The following COQ3 variants were observed in gnomAD, a reference collection of about 807,000 sequenced individuals.
COQ3 encodes ubiquinone biosynthesis O-methyltransferase, mitochondrial.
In COQ3, 29 loss-of-function variants were observed where a neutral mutation model predicts 33.1. The observed-to-expected ratio is 0.88, with a 90% CI of 0.65 to 1.19. The LOEUF is 1.19. Ranked by LOEUF, COQ3 falls within the 50% of genes most tolerant of loss-of-function variation. The probability of loss-of-function intolerance (pLI) is 0.00; values close to 1 mark genes in which losing one functional copy is unlikely to be tolerated. For synonymous variants in COQ3, 173 were observed against 157.8 expected (o/e 1.10, Z -0.72); for missense variants, 437 against 430.7 (o/e 1.01, Z -0.13).
chr6:99,380,120 A>C, intron 3 of COQ3, 69 bp downstream of exon 3: 1 of 1,481,852 alleles, frequency 6.7e-7, no homozygotes, highest in Admixed American at 2.0e-5. Flanking sequence ...AACTAAGAAA[A>C]AAATGAATGT....
At chr6:99,380,083 A>T (rs1774421703) in intron 3 of COQ3, 106 bp downstream of exon 3, 10 of 1,002,030 alleles carry the variant, frequency 1.0e-5, no homozygotes, top group Non-Finnish European at 1.4e-5. Context: ...AGCAAACTTA[A>T]TGTGCAGCAT....
chr6:99,375,919 T>C (rs200169183), intron 5 of COQ3, 21 bp downstream of exon 5: 116 of 1,612,498 alleles, frequency 7.2e-5, no homozygotes, highest in Non-Finnish European at 9.4e-5. Flanking sequence ...GAAACCAAGA[T>C]GTAAACTCCA....
At chr6:99,375,076 TCTC>T (rs1274746090) in intron 5 of COQ3, among the ~76,000 whole-genome samples, 4 of 151,624 alleles carry the variant, frequency 2.6e-5, no homozygotes. Flanking sequence ...TTCAAGCAAT[TCTC>T]CTGCCTCACC....
chr6:99,370,763 A>AAGCATTAG (rs1239486334), intron 6 of COQ3, among the ~76,000 whole-genome samples: 2 of 152,216 alleles, frequency 1.3e-5, no homozygotes, highest in Non-Finnish European at 2.9e-5. Flanking sequence ...ATGAAAAAAA[A>AAGCATTAG]AGCATTAGAA....
intron 2 of COQ3, 97 bp from the exon 3 acceptor site, chr6:99,380,438 A>G (rs1409959903): frequency 3.0e-6 from 4 of 1,317,766 alleles, no homozygotes; most frequent in African/African-American, 3.0e-5. Context: ...TTTACAATTT[A>G]TTATATTCTA....
intron 1 of COQ3, among the ~76,000 whole-genome samples, chr6:99,390,845 C>A (rs1774804760): frequency 6.6e-6 from 1 of 152,102 alleles, no homozygotes; most frequent in African/African-American, 2.4e-5. Context: ...TAAACATGGG[C>A]CCCGTGCCCA....
chr6:99,382,463 T>G (rs930643930), intron 2 of COQ3, among the ~76,000 whole-genome samples: 4 of 152,224 alleles, frequency 2.6e-5, no homozygotes, highest in African/African-American at 9.6e-5. Context: ...CTTTTAAGAT[T>G]CAAGTGTCAT....
chr6:99,388,835 C>T lies in COQ3; in HGVS notation c.107-5011G>A, dbSNP rs138865395. On this transcript the variant is annotated intron_variant, in intron 1 of 6. Coordinates refer to ENST00000254759, the MANE Select transcript of COQ3 (RefSeq NM_017421.4). ...TACACTCCAGTATGGGTGACAAGAG[C>T]GAAACTCCATCTCAAAAACTAAATA... 8.1e-5 allele frequency among the ~76,000 whole-genome samples: 12 copies of T among 148,220 alleles called. No individual in the cohort carries two copies. In the East Asian group the frequency reaches 1.9e-3, roughly 23 times the overall value.
In COQ3 at chr6:99,386,623, T is replaced by C. The variant is rs543279198; in HGVS notation, c.107-2799A>G. 5.3e-5 allele frequency among the ~76,000 whole-genome samples: 8 copies of C among 152,286 alleles called. No homozygotes were observed. The South Asian group carries it at 6.2e-4, about 12-fold the overall frequency. On this transcript the variant is annotated intron_variant, in intron 1 of 6. Transcript: ENST00000254759. The stretch of plus-strand genomic sequence containing the variant: ...AAGAAATAAAGAAAGGATATCACTA[T>C]AGCTCTGATAGACATTAAAAGGTTG...
rs1774279953 is a variant in COQ3, at chr6:99,376,194, A to T, written c.487-12T>A. 6.2e-7 allele frequency: 1 copy of T among 1,609,784 alleles called. No individual in the cohort carries two copies. Among genetic ancestry groups the T allele is most frequent in the Non-Finnish European group, 8.5e-7 (1 of 1,178,264 alleles). ...AGCCGCCCTAGAGGCTAATGGCATT[A>T]AAAAAACTGTTACCCTCAGGAAGAA... On this transcript the variant is annotated splice_polypyrimidine_tract_variant and intron_variant, in intron 4 of 6. Transcript: ENST00000254759.
rs149717575 is a variant in COQ3, at chr6:99,383,734, G to A, written c.197C>T (p.Thr66Met). 1.3e-4 allele frequency: 216 copies of A among 1,603,850 alleles called. No individual in the cohort carries two copies. The highest frequency in any genetic ancestry group is 3.3e-4 in the Middle Eastern group (2 of 6,058). The change falls in exon 2 of 7, where the codon ACG (threonine) becomes ATG (methionine). Residue 66 changes from threonine to methionine, a missense_variant. Coordinates refer to ENST00000254759, the MANE Select transcript of COQ3 (RefSeq NM_017421.4). ...YRTIWFKSYR[T>M]IFSCLNRIKS... ...TATTCTGTTCAAACAGGAAAAGATCGTCCTGTAGGATTTGAACCATATGGT... is the reference window on the plus strand; with the variant it reads ...TATTCTGTTCAAACAGGAAAAGATCATCCTGTAGGATTTGAACCATATGGT...
chr6:99,379,044 T>A (rs183918481), intron 3 of COQ3, among the ~76,000 whole-genome samples: 7 of 151,652 alleles, frequency 4.6e-5, no homozygotes, highest in Non-Finnish European at 1.0e-4. Context: ...CTTTAAGTTT[T>A]AGGGTACATG....
intron 1 of COQ3, among the ~76,000 whole-genome samples, chr6:99,393,167 G>A (rs1774877122): frequency 1.3e-5 from 2 of 151,314 alleles, no homozygotes; most frequent in Non-Finnish European, 2.9e-5. Context: ...GTAACTCCAA[G>A]TTCACTATAC....
At chr6:99,380,402 G>T in intron 2 of COQ3, 61 bp from the exon 3 acceptor site, 9 of 1,500,698 alleles carry the variant, frequency 6.0e-6, no homozygotes, top group Non-Finnish European at 7.4e-6. Context: ...GTTTAACATG[G>T]GATATTATGT....
chr6:99,378,097 A>C (rs1774346310), intron 3 of COQ3, among the ~76,000 whole-genome samples: 1 of 111,258 alleles, frequency 9.0e-6, no homozygotes, highest in African/African-American at 3.4e-5. Context: ...ACAGTATTGT[A>C]AACTAAACAT....
At chr6:99,373,763 G>A (rs919666055) in intron 5 of COQ3, among the ~76,000 whole-genome samples, 3 of 152,082 alleles carry the variant, frequency 2.0e-5, no homozygotes, top group African/African-American at 2.4e-5. Context: ...AGGCTGAAGC[G>A]GCAGGATCCC....
Position 99,388,677 on chromosome 6 carries a change from G to A in COQ3, c.107-4853C>T, listed in dbSNP as rs138348891. 1.7e-4 allele frequency among the ~76,000 whole-genome samples: 26 copies of A among 152,022 alleles called. No homozygotes were observed. In the East Asian group the frequency reaches 3.3e-3, roughly 19 times the overall value. On this transcript the variant is annotated intron_variant, in intron 1 of 6. Coordinates refer to ENST00000254759, the MANE Select transcript of COQ3 (RefSeq NM_017421.4). ...AGTCTGGCCAACATGGTGAAACTCC[G>A]TCTCTACTAAAAATAAAAAAATTAG...
Position 99,371,541 on chromosome 6 carries a change from G to A in COQ3, c.776C>T (p.Ser259Phe). The change falls in exon 6 of 7, where the codon TCC (serine) becomes TTC (phenylalanine). Residue 259 changes from serine to phenylalanine, a missense_variant. Ser to Phe is a radical substitution (Grantham distance 155). Coordinates refer to ENST00000254759, the MANE Select transcript of COQ3 (RefSeq NM_017421.4). ...FITTINKTQL[S>F]YALGIVFSEQ... Reference sequence around the variant, plus strand: ...TGAAAAAACAATTCCCAAGGCATAGGAAAGTTGTGTTTTGTTGATTGTAGT... The same window carrying A: ...TGAAAAAACAATTCCCAAGGCATAGAAAAGTTGTGTTTTGTTGATTGTAGT... 6.2e-7 allele frequency: 1 copy of A among 1,607,032 alleles called. No individual in the cohort carries two copies. The highest frequency in any genetic ancestry group is 8.5e-7 in the Non-Finnish European group (1 of 1,176,636).
At chr6:99,380,041 T>C in intron 3 of COQ3, 148 bp downstream of exon 3, 1 of 665,520 alleles carries the variant, frequency 1.5e-6, no homozygotes, top group Non-Finnish European at 2.5e-6. Context: ...TTTCAAACAG[T>C]GGTAATTGAA....
Sources: gnomAD v4.1 joint callset for allele counts (sites outside exome capture counted in the v4.1 genomes callset) on GRCh38, gnomAD v4.1.1 for gene constraint, MANE v1.5 for transcripts, NCBI Gene and HGNC (gene_info 2026-07-23, HGNC 2026-07-21) for gene names.